The following CA12 variants were observed in gnomAD, a reference collection of about 807,000 sequenced individuals.
CA12 encodes the protein carbonate dehydratase XII.
Under a neutral mutation model 46.8 loss-of-function variants are expected in CA12, and 36 were observed. That is an observed-to-expected ratio of 0.77 (90% CI 0.59 to 1.02). CA12 has a LOEUF of 1.02. CA12 is among the 50% of genes least tolerant of loss of function. The pLI is 0.00. For synonymous variants in CA12, 202 were observed against 187.0 expected, an observed-to-expected ratio of 1.08 and a Z score of -0.65; for missense variants, 436 against 451.4, an observed-to-expected ratio of 0.97 and a Z score of 0.31.
At chr15:63,367,595 G>T (rs1409257654) in intron 2 of CA12, among the ~76,000 whole-genome samples, 3 of 152,186 alleles carry the variant, frequency 2.0e-5, no homozygotes, top group Non-Finnish European at 4.4e-5. Context: ...GAATCTGCAG[G>T]TATCTTTCTG....
At chr15:63,370,207 T>A (rs1161922677) in intron 2 of CA12, among the ~76,000 whole-genome samples, 1 of 152,036 alleles carries the variant, frequency 6.6e-6, no homozygotes, top group Non-Finnish European at 1.5e-5. Context: ...ACCCTTGTAA[T>A]CCCAACACTT....
intron 2 of CA12, among the ~76,000 whole-genome samples, chr15:63,347,667 T>C (rs1195058314): frequency 6.6e-6 from 1 of 152,188 alleles, no homozygotes; most frequent in Non-Finnish European, 1.5e-5. Flanking sequence ...GAAAAAGTCT[T>C]TAAAGAATGT....
chr15:63,338,708 C>A (rs999552225), intron 8 of CA12, 111 bp downstream of exon 8: 1 of 1,456,218 alleles, frequency 6.9e-7, no homozygotes, highest in African/African-American at 1.4e-5. Context: ...AGCCAGGGAG[C>A]TCTCAGCCAA....
rs35290345 is a variant in CA12 at position 63,343,279 on chromosome 15, C to CTTTTTTT, written c.430-1189_430-1183dup. On this transcript the variant is annotated intron_variant, in intron 4 of 10. Coordinates refer to ENST00000178638, the MANE Select transcript of CA12 (RefSeq NM_001218.5). The stretch of plus-strand genomic sequence containing the variant: ...TTGAGGAGATTAAGATAGAAAGAAT[C>CTTTTTTT]TTTTTTTTTTTTTTTTTTTTTAATG... Among the ~76,000 whole-genome samples the CTTTTTTT allele has an allele frequency of 1.3e-3, 125 of 98,752 alleles. 6 individuals carry two copies. The East Asian group carries it at 0.019, about 15-fold the overall frequency. The allele number at this position is 98,752 out of a possible 152,430, so 64.8% of individuals were successfully genotyped here.
At chr15:63,332,097 G>A (rs1030251618) in intron 8 of CA12, among the ~76,000 whole-genome samples, 1 of 152,120 alleles carries the variant, frequency 6.6e-6, no homozygotes, top group Non-Finnish European at 1.5e-5. Context: ...GATTTATCAG[G>A]GGTTTGATAG....
rs1294173270 is a variant in CA12 at position 63,373,327 on chromosome 15, T to C, written c.106+2331A>G. Among the ~76,000 whole-genome samples the C allele has an allele frequency of 6.7e-6, 1 of 150,322 alleles. No individual in the cohort carries two copies. The highest frequency in any genetic ancestry group is 2.0e-4 in the East Asian group (1 of 5,114). On this transcript the variant is annotated intron_variant, in intron 2 of 10. Transcript: ENST00000178638. This position sits in a 1 kb window ranked among gnomAD's most constrained non-coding sequence, Gnocchi z 4.9. The stretch of plus-strand genomic sequence containing the variant: ...TTGCAGTGAGCCAAGATCACGCCAC[T>C]GCACTCCACCCTGGGTGAGAATGAG...
chr15:63,322,245 G>C lies in CA12; in HGVS notation c.*4040C>G, dbSNP rs1374712643. On this transcript the variant is annotated 3_prime_UTR_variant, in exon 11 of 11. Coordinates refer to ENST00000178638, the MANE Select transcript of CA12 (RefSeq NM_001218.5). This position sits in a 1 kb window ranked among gnomAD's most constrained non-coding sequence, Gnocchi z 4.1. ...ACCAAATATCTACAAGGAAAATCTAGCATCTGAATCGAGTGTGCTGTCAGT... is the reference window on the plus strand; with the variant it reads ...ACCAAATATCTACAAGGAAAATCTACCATCTGAATCGAGTGTGCTGTCAGT... 6.6e-6 allele frequency: 1 copy of C among 152,070 alleles called. No homozygotes were observed. The highest frequency in any genetic ancestry group is 2.4e-5 in the African/African-American group (1 of 41,394). 9.4% of individuals were successfully genotyped at this position (152,070 alleles called of 1,614,324 possible). A position where few individuals can be genotyped will look rare whatever the true frequency, so the allele number is the denominator to read the frequency against.
In CA12 at chr15:63,339,080, T is replaced by A. The variant is rs1316216223; in HGVS notation, c.748-135A>T. ...CTTCTGTGGGGCCGGGTGGGAGATA[T>A]TAGAAAGCAGAGGGAAAGCCACAGA... On this transcript the variant is annotated intron_variant, in intron 7 of 10. Coordinates refer to ENST00000178638, the MANE Select transcript of CA12 (RefSeq NM_001218.5). This position sits in a 1 kb window ranked among gnomAD's most constrained non-coding sequence, Gnocchi z 4.3. The A allele has an allele frequency of 1.8e-6, 2 of 1,118,900 alleles. No individual in the cohort carries two copies. Among genetic ancestry groups the A allele is most frequent in the East Asian group, 5.1e-5 (2 of 38,942 alleles). The allele number at this position is 1,118,900 out of a possible 1,614,324, so 69.3% of individuals were successfully genotyped here.
At position 63,331,894 on chromosome 15, in the gene CA12, A is replaced by T. The variant is rs2038942051; in HGVS notation, c.875-3764T>A. 1 of 152,078 alleles carries T rather than the reference A, an allele frequency of 6.6e-6. No homozygotes were observed. The highest frequency in any genetic ancestry group is 2.1e-4 in the South Asian group (1 of 4,822). 9.4% of individuals were successfully genotyped at this position (152,078 alleles called of 1,614,324 possible). On this transcript the variant is annotated intron_variant, in intron 8 of 10. Coordinates refer to ENST00000178638, the MANE Select transcript of CA12 (RefSeq NM_001218.5). This position sits in a 1 kb window ranked among gnomAD's most constrained non-coding sequence, Gnocchi z 5.3. ...GAAGAGTCCAGCACGAGGAACAAGC[A>T]CCTCACTTTCACATCTGGAGGTTCC...
At chr15:63,333,290 G>A (rs915101277) in intron 8 of CA12, among the ~76,000 whole-genome samples, 1 of 152,242 alleles carries the variant, frequency 6.6e-6, no homozygotes, top group Non-Finnish European at 1.5e-5. Context: ...CCAGCCGTCT[G>A]CCCAGCCCCT....
intron 2 of CA12, among the ~76,000 whole-genome samples, chr15:63,364,764 G>A (rs1003560552): frequency 6.6e-5 from 10 of 152,332 alleles, no homozygotes; most frequent in Admixed American, 1.3e-4. Flanking sequence ...CTCTTCCAAT[G>A]TGGTCCTGTC....
intron 1 of CA12, 148 bp downstream of exon 1, chr15:63,381,488 G>A (rs2039644429): frequency 2.8e-6 from 2 of 704,138 alleles, no homozygotes; most frequent in African/African-American, 1.8e-5. Context: ...AAAGGAAAAC[G>A]GAGCATCCTT....
At position 63,329,377 on chromosome 15, in the gene CA12, G is replaced by A. The variant is rs1333088262; in HGVS notation, c.875-1247C>T. Among the ~76,000 whole-genome samples the A allele has an allele frequency of 2.0e-5, 3 of 152,166 alleles. No individual in the cohort carries two copies. The highest frequency in any genetic ancestry group is 4.4e-5 in the Non-Finnish European group (3 of 68,040). On this transcript the variant is annotated intron_variant, in intron 8 of 10. Coordinates refer to ENST00000178638, the MANE Select transcript of CA12 (RefSeq NM_001218.5). The surrounding 1 kb of genome is among the most constrained non-coding windows in gnomAD (Gnocchi z 4.8). ...CAGCCTACTAGCCACCTCCTGGGGG[G>A]AAAATCACATGAGAATCCATTGTCT...
chr15:63,334,296 C>T (rs914169445), intron 8 of CA12, among the ~76,000 whole-genome samples: 9 of 127,286 alleles, frequency 7.1e-5, no homozygotes, highest in Non-Finnish European at 1.4e-4. Context: ...CACTCTGTCG[C>T]CCAGGCTGGA....
intron 2 of CA12, among the ~76,000 whole-genome samples, chr15:63,361,883 C>G (rs1242029445): frequency 6.6e-6 from 1 of 152,324 alleles, no homozygotes; most frequent in East Asian, 1.9e-4. Context: ...TTGTCATTGT[C>G]TAAGCATTCA....
rs1567043442 is a variant in CA12, at chr15:63,339,221, G to T, written c.748-276C>A. 6.7e-6 allele frequency among the ~76,000 whole-genome samples: 1 copy of T among 148,354 alleles called. No individual in the cohort carries two copies. Among genetic ancestry groups the T allele is most frequent in the Non-Finnish European group, 1.5e-5 (1 of 67,196 alleles). On this transcript the variant is annotated intron_variant, in intron 7 of 10. Transcript: ENST00000178638. The surrounding 1 kb of genome is among the most constrained non-coding windows in gnomAD (Gnocchi z 4.3). Reference sequence around the variant, plus strand: ...TAGTTTCCAATTATACCTGGAATCTGCCCTGCGTGGAGGGAAACCTGGGGT... The same window carrying T: ...TAGTTTCCAATTATACCTGGAATCTTCCCTGCGTGGAGGGAAACCTGGGGT...
chr15:63,370,336 T>C (rs750113528), intron 2 of CA12, among the ~76,000 whole-genome samples: 4 of 150,286 alleles, frequency 2.7e-5, no homozygotes, highest in Non-Finnish European at 2.9e-5. Flanking sequence ...ACGTCCTAGC[T>C]ACTTGGGAGG....
At chr15:63,337,127 T>C (rs1229666374) in intron 8 of CA12, among the ~76,000 whole-genome samples, 2 of 152,248 alleles carry the variant, frequency 1.3e-5, no homozygotes, top group African/African-American at 4.8e-5. Context: ...GGAAGGCTAC[T>C]GTTCACAGAT....
At chr15:63,379,653 G>A (rs1298879704) in intron 1 of CA12, among the ~76,000 whole-genome samples, 2 of 152,196 alleles carry the variant, frequency 1.3e-5, no homozygotes, top group Non-Finnish European at 2.9e-5. Flanking sequence ...ACTGGGCAGG[G>A]AGGTTCCCCT....
Sources: allele counts gnomAD v4.1 joint callset (sites outside exome capture counted in the v4.1 genomes callset), GRCh38; gene constraint gnomAD v4.1.1; non-coding constraint Gnocchi (gnomAD v3.1); transcripts MANE v1.5; gene names NCBI Gene and HGNC (gene_info 2026-07-23, HGNC 2026-07-21).